The following ANKRD16 variants were observed in gnomAD, a reference collection of about 807,000 sequenced individuals.
The protein encoded by ANKRD16 is ankyrin repeat domain-containing protein 16.
In ANKRD16, 35 loss-of-function variants were observed where a neutral mutation model predicts 37.9. The ratio of observed to expected loss-of-function variants is 0.92; its 90% CI spans 0.71 to 1.23. ANKRD16 has a LOEUF of 1.23. Among genes scored for constraint, ANKRD16 ranks in the 50% most tolerant of loss-of-function variants. The pLI is 0.00. For missense variants in ANKRD16, 480 were observed against 469.9 expected (o/e 1.02, Z -0.20); for synonymous variants, 206 against 197.2 (o/e 1.04, Z -0.37).
chr10:5,885,424 C>T (rs561736602), intron 3 of ANKRD16, among the ~76,000 whole-genome samples: 46 of 152,100 alleles, frequency 3.0e-4, no homozygotes, highest in Non-Finnish European at 5.7e-4. Context: ...CCTTGTGATC[C>T]GCCCGCCTCG....
intron 5 of ANKRD16, among the ~76,000 whole-genome samples, chr10:5,882,003 C>T (rs1276077489): frequency 9.2e-5 from 14 of 151,920 alleles, no homozygotes; most frequent in Admixed American, 9.2e-4. Context: ...GATCTCTTGA[C>T]CCCGTGATCC....
rs1017835452 is a variant in ANKRD16, at chr10:5,871,451, C to A, written c.*33+6646G>T. On this transcript the variant is annotated intron_variant, in intron 7 of 7. Coordinates refer to ENST00000380094, the MANE Select transcript of ANKRD16 (RefSeq NM_019046.3). This position sits in a 1 kb window ranked among gnomAD's most constrained non-coding sequence, Gnocchi z 4.5. ...TATCACACCACATCACTCTTTCCAACTGAAAGAGTGTAATTTAAAAAAGTG... is the reference window on the plus strand; with the variant it reads ...TATCACACCACATCACTCTTTCCAAATGAAAGAGTGTAATTTAAAAAAGTG... 2.0e-5 allele frequency among the ~76,000 whole-genome samples: 3 copies of A among 152,080 alleles called. No individual in the cohort carries two copies. Among genetic ancestry groups the A allele is most frequent in the African/African-American group, 7.2e-5 (3 of 41,404 alleles).
rs1842056242 is a variant in ANKRD16 at position 5,869,288 on chromosome 10, G to T, written c.*34-6597C>A. Among the ~76,000 whole-genome samples the T allele has an allele frequency of 6.6e-6, 1 of 152,092 alleles. No individual in the cohort carries two copies. The highest frequency in any genetic ancestry group is 1.5e-5 in the Non-Finnish European group (1 of 68,008). On this transcript the variant is annotated intron_variant, in intron 7 of 7. Coordinates refer to ENST00000380094, the MANE Select transcript of ANKRD16 (RefSeq NM_019046.3). The surrounding 1 kb of genome is among the most constrained non-coding windows in gnomAD (Gnocchi z 4.0). ...AATTAATCAAACTGTATATATCAAG[G>T]ATGTGCAGCTTTGTGTACCAATTAT... is the stretch of plus-strand genomic sequence containing the variant.
In ANKRD16 at chr10:5,864,223, A is replaced by G. The variant is rs966101935; in HGVS notation, c.*34-1532T>C. ...CTTACATCCCACAGGAGGACTTCTC[A>G]GCTTACCCCCAGATCCTAGCCTCCC... On this transcript the variant is annotated intron_variant, in intron 7 of 7. Transcript: ENST00000380094. The surrounding 1 kb of genome is among the most constrained non-coding windows in gnomAD (Gnocchi z 4.4). 6.6e-6 allele frequency among the ~76,000 whole-genome samples: 1 copy of G among 152,132 alleles called. No homozygotes were observed. The highest frequency in any genetic ancestry group is 2.4e-5 in the African/African-American group (1 of 41,380).
At chr10:5,873,003 G>A (rs188885780) in intron 7 of ANKRD16, among the ~76,000 whole-genome samples, 27 of 148,632 alleles carry the variant, frequency 1.8e-4, no homozygotes, top group African/African-American at 5.9e-4. Context: ...GGGACTACAG[G>A]TGTGCCCCAC....
rs1842364533 is a variant in ANKRD16 at position 5,883,905 on chromosome 10, C to T, written c.687+64G>A. The T allele has an allele frequency of 2.7e-5, 39 of 1,450,226 alleles. No individual in the cohort carries two copies. In the South Asian group the frequency reaches 4.4e-4, roughly 17 times the overall value. 89.8% of individuals were successfully genotyped at this position (1,450,226 alleles called of 1,614,324 possible). On this transcript the variant is annotated intron_variant, in intron 4 of 7. Coordinates refer to ENST00000380094, the MANE Select transcript of ANKRD16 (RefSeq NM_019046.3). ...GGGATCTGAGTAACAATGTGCTCTGCTTAACCTGTGACCTAAAATTTATAG... is the reference window on the plus strand; with the variant it reads ...GGGATCTGAGTAACAATGTGCTCTGTTTAACCTGTGACCTAAAATTTATAG...
chr10:5,886,242 T>C (rs1195634328), intron 2 of ANKRD16, among the ~76,000 whole-genome samples: 4 of 152,124 alleles, frequency 2.6e-5, no homozygotes, highest in African/African-American at 7.2e-5. Context: ...ACTGGTCAAA[T>C]AATTCATGAG....
Position 5,881,441 on chromosome 10 carries a change from TATATATATATATATATATATA to T in ANKRD16, c.850-1086_850-1066del, listed in dbSNP as rs1842308988. Among the ~76,000 whole-genome samples the T allele has an allele frequency of 8.1e-3, 172 of 21,282 alleles. 5 individuals are homozygous for T. Among genetic ancestry groups the T allele is most frequent in the African/African-American group, 0.029 (166 of 5,820 alleles). The allele number at this position is 21,282 out of a possible 152,430, so 14.0% of individuals were successfully genotyped here. A position where few individuals can be genotyped will look rare whatever the true frequency, so the allele number is the denominator to read the frequency against. On this transcript the variant is annotated intron_variant, in intron 5 of 7. Transcript: ENST00000380094. ...TTTTATAAAATAAAAATATTATTTA[TATATATATATATATATATATA>T]TATATATATATATATATATTTGAGA...
chr10:5,889,640 G>T lies in ANKRD16; in HGVS notation c.-286C>A. On this transcript the variant is annotated 5_prime_UTR_variant, in exon 1 of 8. Transcript: ENST00000380094. ...CACGGGGCGGTTTTTCCTCAGGGAC[G>T]GAGCGGTCCGGGATGAGCACGGAGG... The T allele has an allele frequency of 5.1e-6, 1 of 195,408 alleles. No individual in the cohort carries two copies. Among genetic ancestry groups the T allele is most frequent in the Non-Finnish European group, 1.0e-5 (1 of 96,922 alleles). The allele number at this position is 195,408 out of a possible 1,614,324, so 12.1% of individuals were successfully genotyped here.
intron 7 of ANKRD16, among the ~76,000 whole-genome samples, chr10:5,867,062 A>G (rs1842026040): frequency 6.6e-6 from 1 of 152,242 alleles, no homozygotes. Context: ...AGCCAGGGTA[A>G]ATTTAAAACC....
chr10:5,882,891 A>G lies in ANKRD16; in HGVS notation c.849+115T>C, dbSNP rs916217522. On this transcript the variant is annotated intron_variant, in intron 5 of 7. Coordinates refer to ENST00000380094, the MANE Select transcript of ANKRD16 (RefSeq NM_019046.3). ...ATCCTGACCATTTCAGAAGAATATC[A>G]TGGGCAATTTCTTCCATAGAGATGG... 4 of 1,136,388 alleles carry G rather than the reference A, an allele frequency of 3.5e-6. No homozygotes were observed. In the Admixed American group the frequency reaches 7.9e-5, roughly 22 times the overall value. 70.4% of individuals were successfully genotyped at this position (1,136,388 alleles called of 1,614,324 possible).
chr10:5,872,661 A>G (rs1051598484), intron 7 of ANKRD16, among the ~76,000 whole-genome samples: 11 of 150,984 alleles, frequency 7.3e-5, no homozygotes, highest in East Asian at 2.0e-4. Context: ...GATTCACGCC[A>G]TACTCCTGCC....
At position 5,868,285 on chromosome 10, in the gene ANKRD16, T is replaced by C. The variant is rs1842043262; in HGVS notation, c.*34-5594A>G. Among the ~76,000 whole-genome samples the C allele has an allele frequency of 6.6e-6, 1 of 151,916 alleles. No individual in the cohort carries two copies. The highest frequency in any genetic ancestry group is 2.4e-5 in the African/African-American group (1 of 41,322). Reference sequence around the variant, plus strand: ...CTGGCCCTTTGACTGGCCTAAAGAGTTCCCCTCTAGAGGACACTACAACTG... The same window carrying C: ...CTGGCCCTTTGACTGGCCTAAAGAGCTCCCCTCTAGAGGACACTACAACTG... On this transcript the variant is annotated intron_variant, in intron 7 of 7. Transcript: ENST00000380094. The surrounding 1 kb of genome is among the most constrained non-coding windows in gnomAD (Gnocchi z 4.9).
Position 5,868,905 on chromosome 10 carries a change from A to G in ANKRD16, c.*34-6214T>C, listed in dbSNP as rs1319888750. ...CTTCATTCTTGAAGTCAGCAAGACC[A>G]AGAACCCACCAGAAGGAATAAATTC... On this transcript the variant is annotated intron_variant, in intron 7 of 7. Transcript: ENST00000380094. The surrounding 1 kb of genome is among the most constrained non-coding windows in gnomAD (Gnocchi z 4.9). Among the ~76,000 whole-genome samples the G allele has an allele frequency of 6.6e-6, 1 of 152,198 alleles. No homozygotes were observed. Among genetic ancestry groups the G allele is most frequent in the African/African-American group, 2.4e-5 (1 of 41,450 alleles).
At chr10:5,887,613 A>C (rs1184418821) in intron 2 of ANKRD16, among the ~76,000 whole-genome samples, 1 of 152,114 alleles carries the variant, frequency 6.6e-6, no homozygotes, top group East Asian at 1.9e-4. Flanking sequence ...TGAACGCCTG[A>C]CCTCAGGTGA....
Position 5,862,921 on chromosome 10 carries a change from T to C in ANKRD16, c.*34-230A>G, listed in dbSNP as rs1377015891. Among the ~76,000 whole-genome samples the C allele has an allele frequency of 1.3e-5, 2 of 152,158 alleles. No individual in the cohort carries two copies. Among genetic ancestry groups the C allele is most frequent in the Admixed American group, 6.5e-5 (1 of 15,278 alleles). On this transcript the variant is annotated intron_variant, in intron 7 of 7. Coordinates refer to ENST00000380094, the MANE Select transcript of ANKRD16 (RefSeq NM_019046.3). The surrounding 1 kb of genome is among the most constrained non-coding windows in gnomAD (Gnocchi z 6.5). ...AGCTGTGTGTTTTGGGCATTTCCCC[T>C]GTACCAGACACTGTGCTAAATGACC... is the stretch of plus-strand genomic sequence containing the variant.
At chr10:5,879,349 C>T (rs1052920223) in intron 6 of ANKRD16, among the ~76,000 whole-genome samples, 2 of 152,040 alleles carry the variant, frequency 1.3e-5, no homozygotes, top group African/African-American at 4.8e-5. Flanking sequence ...TGGTGGGCAC[C>T]CGTAGTCCCA....
chr10:5,868,756 A>G lies in ANKRD16; in HGVS notation c.*34-6065T>C, dbSNP rs991005815. ...GCCCACGCCACCCTTAAGAGCTGTA[A>G]CATTCACTGCGAGGGTCTGCGGCTT... On this transcript the variant is annotated intron_variant, in intron 7 of 7. Transcript: ENST00000380094. This position sits in a 1 kb window ranked among gnomAD's most constrained non-coding sequence, Gnocchi z 4.9. 6.6e-6 allele frequency among the ~76,000 whole-genome samples: 1 copy of G among 152,210 alleles called. No individual in the cohort carries two copies. Among genetic ancestry groups the G allele is most frequent in the Non-Finnish European group, 1.5e-5 (1 of 68,036 alleles).
chr10:5,889,016 G>C, intron 1 of ANKRD16, 25 bp downstream of exon 1: 1 of 1,492,534 alleles, frequency 6.7e-7, no homozygotes, highest in Non-Finnish European at 8.9e-7. Flanking sequence ...AGGGGAGGCG[G>C]GGTGTCTTTC....
Sources: gnomAD v4.1 joint callset for allele counts (sites outside exome capture counted in the v4.1 genomes callset) on GRCh38, gnomAD v4.1.1 for gene constraint, Gnocchi (gnomAD v3.1) non-coding constraint, MANE v1.5 for transcripts, NCBI Gene and HGNC (gene_info 2026-07-23, HGNC 2026-07-21) for gene names.